The following CHKA variants were observed in gnomAD, a reference collection of about 807,000 sequenced individuals.
CHKA encodes the protein choline kinase alpha.
A neutral mutation model predicts 60.1 loss-of-function variants in CHKA; 34 were observed. The ratio of observed to expected loss-of-function variants is 0.57; its 90% CI spans 0.43 to 0.75. The LOEUF (loss-of-function observed/expected upper bound fraction) is 0.75, where lower values mean the gene tolerates loss of function less well. CHKA is among the 30% of genes least tolerant of loss of function. CHKA has a pLI of 0.00. For synonymous variants in CHKA, 217 were observed against 223.1 expected, an observed-to-expected ratio of 0.97 and a Z score of 0.24; for missense variants, 563 against 561.3, an observed-to-expected ratio of 1.00 and a Z score of -0.03.
chr11:68,097,127 G>A lies in CHKA; in HGVS notation c.354C>T (p.Gly118=), dbSNP rs754949909. The A allele has an allele frequency of 1.7e-5, 27 of 1,611,560 alleles. No homozygotes were observed. In the African/African-American group the frequency reaches 2.0e-4, roughly 12 times the overall value. The change falls in exon 2 of 12, where the codon GGC becomes GGT. Residue 118 remains glycine, a synonymous_variant. Coordinates refer to ENST00000265689, the MANE Select transcript of CHKA (RefSeq NM_001277.3). ...ACTGGAACAGCATGTTGCTAAGGCC[G>A]CCTCTGTCAGAAATAAGAGGACAGT... The part of the protein sequence containing the change: ...EDEFHISVIR[G]GLSNMLFQCS...
chr11:68,100,467 G>A (rs1590872920), intron 1 of CHKA, among the ~76,000 whole-genome samples: 1 of 152,100 alleles, frequency 6.6e-6, no homozygotes, highest in South Asian at 2.1e-4. Context: ...GCACGTGCCT[G>A]TAATCCCAGC....
At chr11:68,098,227 C>T (rs1275915364) in intron 1 of CHKA, among the ~76,000 whole-genome samples, 4 of 144,596 alleles carry the variant, frequency 2.8e-5, no homozygotes, top group Admixed American at 2.2e-4. Flanking sequence ...GCCGTTATCG[C>T]GCCACTGTAC....
intron 1 of CHKA, among the ~76,000 whole-genome samples, chr11:68,102,521 C>T (rs1051185090): frequency 2.0e-5 from 3 of 152,168 alleles, no homozygotes; most frequent in Non-Finnish European, 2.9e-5. Flanking sequence ...AAATTAGATC[C>T]TTATCTCACA....
chr11:68,075,769 C>T (rs1262632387), intron 3 of CHKA, among the ~76,000 whole-genome samples: 2 of 151,980 alleles, frequency 1.3e-5, no homozygotes, highest in African/African-American at 4.8e-5. Flanking sequence ...GATGCCCCAC[C>T]ACCACCGAAG....
intron 10 of CHKA, among the ~76,000 whole-genome samples, chr11:68,063,998 AAT>A (rs1195907429): frequency 6.6e-6 from 1 of 152,244 alleles, no homozygotes; most frequent in Non-Finnish European, 1.5e-5. Flanking sequence ...AGAACAGACT[AAT>A]ATACTTTGCC....
At position 68,121,078 on chromosome 11, in the gene CHKA, C is replaced by T; in HGVS notation, c.100G>A (p.Gly34Arg). The change falls in exon 1 of 12, where the codon GGG (glycine) becomes AGG (arginine). Residue 34 changes from glycine (G) to arginine (R), a missense_variant. By Grantham distance (125) the Gly-to-Arg change is moderately radical. Coordinates refer to ENST00000265689, the MANE Select transcript of CHKA (RefSeq NM_001277.3). ...TCGCTGGCGGCGTCGCGCTGCTGCC[C>T]CACGCCGGGCGCCGGGGCCGCGCTG... ...SGSAAPAPGVGQQRDAASDLE... is the reference protein window; with the variant it reads ...SGSAAPAPGVRQQRDAASDLE... 4 of 1,132,140 alleles carry T rather than the reference C, an allele frequency of 3.5e-6. No homozygotes were observed. The highest frequency in any genetic ancestry group is 3.8e-5 in the South Asian group (1 of 26,150). 70.1% of individuals were successfully genotyped at this position (1,132,140 alleles called of 1,614,324 possible).
At chr11:68,120,773 GCCCCGCCCCGC>G in intron 1 of CHKA, 44 bp downstream of exon 1, 1 of 810,406 alleles carries the variant, frequency 1.2e-6, no homozygotes, top group Non-Finnish European at 1.5e-6. Context: ...CCCCGCCCCG[GCCCCGCCCCGC>G]GTCACCTGAC....
In CHKA at chr11:68,065,894, C is replaced by T. The variant is rs756961544; in HGVS notation, c.1017G>A (p.Arg339=). Residue 339 remains arginine, a splice_region_variant and synonymous_variant, in exon 9 of 12, where the codon AGG becomes AGA. Transcript: ENST00000265689. ...AGAAGTGATTTCCAATGTCGAATCC[C>T]CTGAAATAAGACATAAGACAGTGCA... ...IDFEYSSYNY[R]GFDIGNHFCE... The T allele has an allele frequency of 1.9e-6, 3 of 1,594,008 alleles. No homozygotes were observed. Among genetic ancestry groups the T allele is most frequent in the Non-Finnish European group, 2.6e-6 (3 of 1,163,830 alleles).
At chr11:68,105,360 CA>C in intron 1 of CHKA, among the ~76,000 whole-genome samples, 1 of 150,796 alleles carries the variant, frequency 6.6e-6, no homozygotes, top group South Asian at 2.1e-4. Flanking sequence ...ACTAAAAATA[CA>C]AAAATTAGCT....
chr11:68,074,354 C>G (rs1277699850), intron 4 of CHKA, among the ~76,000 whole-genome samples: 1 of 152,094 alleles, frequency 6.6e-6, no homozygotes, highest in East Asian at 1.9e-4. Flanking sequence ...CCCCACAGGG[C>G]TACAGTCAGA....
At chr11:68,105,091 G>T (rs953556105) in intron 1 of CHKA, among the ~76,000 whole-genome samples, 2 of 150,900 alleles carry the variant, frequency 1.3e-5, no homozygotes, top group Non-Finnish European at 3.0e-5. Context: ...GCAACAGAGT[G>T]AAACTCCATC....
chr11:68,113,793 A>C (rs1330019050), intron 1 of CHKA, among the ~76,000 whole-genome samples: 1 of 152,020 alleles, frequency 6.6e-6, no homozygotes, highest in Non-Finnish European at 1.5e-5. Flanking sequence ...TTAGGAGTTC[A>C]AGACCAGCCT....
intron 11 of CHKA, among the ~76,000 whole-genome samples, chr11:68,058,553 G>C (rs1307606306): frequency 2.0e-5 from 3 of 152,106 alleles, no homozygotes; most frequent in Non-Finnish European, 2.9e-5. Context: ...TCCATGTACA[G>C]TTGTTTCTAC....
chr11:68,100,011 T>C (rs1857650116), intron 1 of CHKA, among the ~76,000 whole-genome samples: 1 of 152,066 alleles, frequency 6.6e-6, no homozygotes, highest in South Asian at 2.1e-4. Context: ...ACAGTCAAAA[T>C]AAATGAAGCA....
intron 11 of CHKA, among the ~76,000 whole-genome samples, chr11:68,059,864 T>C (rs1249086639): frequency 6.6e-6 from 1 of 152,154 alleles, no homozygotes; most frequent in African/African-American, 2.4e-5. Flanking sequence ...CTGCAGTTGC[T>C]GGGGGGTTTA....
At position 68,069,910 on chromosome 11, in the gene CHKA, C is replaced by T. The variant is rs2298838; in HGVS notation, c.869+279G>A. ...CAGAGAAAATCCACCCCACCAGACA[C>T]TCTACTGCCCTGGCCACCAAGCCAC... On this transcript the variant is annotated intron_variant, in intron 6 of 11. Transcript: ENST00000265689. Among the ~76,000 whole-genome samples the T allele has an allele frequency of 3.0e-3, 450 of 152,286 alleles. 20 individuals carry two copies. In the East Asian group the frequency reaches 0.074, roughly 25 times the overall value.
intron 5 of CHKA, 71 bp from the exon 6 acceptor site, chr11:68,070,364 G>C: frequency 8.6e-7 from 1 of 1,159,246 alleles, no homozygotes; most frequent in Non-Finnish European, 1.3e-6. Flanking sequence ...TGCTGTTCTT[G>C]GGGCTTTGGT....
chr11:68,061,442 C>T (rs1856245073), intron 11 of CHKA: 2 of 236,010 alleles, frequency 8.5e-6, no homozygotes, highest in Non-Finnish European at 1.8e-5. Context: ...GACAGCCTAG[C>T]TTGGTTACAA....
At chr11:68,105,003 C>T (rs565693871) in intron 1 of CHKA, among the ~76,000 whole-genome samples, 1 of 151,842 alleles carries the variant, frequency 6.6e-6, no homozygotes, top group East Asian at 2.0e-4. Context: ...ACTCAGGAGG[C>T]TGAGGCAGGA....
Sources: allele counts gnomAD v4.1 joint callset (sites outside exome capture counted in the v4.1 genomes callset), GRCh38; gene constraint gnomAD v4.1.1; transcripts MANE v1.5; gene names NCBI Gene and HGNC (gene_info 2026-07-23, HGNC 2026-07-21).